MET: variants seen among roughly 807,000 people sequenced by gnomAD.
The protein encoded by MET is MET proto-oncogene, receptor tyrosine kinase.
Under a neutral mutation model 133.1 loss-of-function variants are expected in MET, and 48 were observed. The observed-to-expected ratio is 0.36, with a 90% CI of 0.29 to 0.46. MET has a LOEUF of 0.46. Ranked by LOEUF, MET falls within the 20% of genes least tolerant of loss-of-function variation. The pLI is 1.00. For synonymous variants in MET, 628 were observed against 616.5 expected (o/e 1.02, Z -0.28); for missense variants, 1,442 against 1,695.9 (o/e 0.85, Z 2.63).
chr7:116,722,891 CTT>C (rs1792556628), intron 2 of MET, among the ~76,000 whole-genome samples: 1 of 148,870 alleles, frequency 6.7e-6, no homozygotes, highest in Admixed American at 6.7e-5. Flanking sequence ...GTAACCCGAC[CTT>C]TCTCTCTGGC....
chr7:116,758,118 T>C (rs186469831), intron 8 of MET, among the ~76,000 whole-genome samples: 70 of 152,310 alleles, frequency 4.6e-4, no homozygotes, highest in South Asian at 8.3e-4. Flanking sequence ...GTAATTAGAC[T>C]AAGTCACTCT....
rs1358471387 is a variant in MET, at chr7:116,798,336, AGTT to A, written c.*2216_*2218del. 5.2e-6 allele frequency: 1 copy of A among 193,402 alleles called. No homozygotes were observed. Among genetic ancestry groups the A allele is most frequent in the African/African-American group, 2.3e-5 (1 of 43,128 alleles). 12.0% of individuals were successfully genotyped at this position (193,402 alleles called of 1,614,324 possible). On this transcript the variant is annotated 3_prime_UTR_variant, in exon 21 of 21. Transcript: ENST00000397752. Reference sequence around the variant, plus strand: ...ACTGAATGGTACTTCGTATGTTAATAGTTGTTCTGATAAATCATGCAATTAAAG... The same window carrying A: ...ACTGAATGGTACTTCGTATGTTAATAGTTCTGATAAATCATGCAATTAAAG...
chr7:116,776,486 A>G (rs1053339183), intron 15 of MET, among the ~76,000 whole-genome samples: 1 of 152,192 alleles, frequency 6.6e-6, no homozygotes, highest in African/African-American at 2.4e-5. Context: ...TAAAATGGCA[A>G]TTATTTCTCT....
At position 116,769,623 on chromosome 7, in the gene MET, T is replaced by A. The variant is rs750520213; in HGVS notation, c.2584-22T>A. On this transcript the variant is annotated intron_variant, in intron 11 of 20. Coordinates refer to ENST00000397752, the MANE Select transcript of MET (RefSeq NM_000245.4). Reference sequence around the variant, plus strand: ...CAGAACTGTGAAGTGTTAACAACCTTTTTTTTTTTTTTTCCTTTCAGGGAA... The same window carrying A: ...CAGAACTGTGAAGTGTTAACAACCTATTTTTTTTTTTTTCCTTTCAGGGAA... 4.8e-4 allele frequency: 226 copies of A among 474,974 alleles called. No homozygotes were observed. Among genetic ancestry groups the A allele is most frequent in the Middle Eastern group, 3.5e-3 (6 of 1,726 alleles). The allele number at this position is 474,974 out of a possible 1,614,324, so 29.4% of individuals were successfully genotyped here.
chr7:116,689,483 GT>G (rs1796695266), intron 1 of MET, among the ~76,000 whole-genome samples: 1 of 146,282 alleles, frequency 6.8e-6, no homozygotes, highest in South Asian at 2.2e-4. Flanking sequence ...ATTATCCACT[GT>G]TTATCTGAAA....
At chr7:116,720,057 T>C (rs959831909) in intron 2 of MET, among the ~76,000 whole-genome samples, 3 of 152,260 alleles carry the variant, frequency 2.0e-5, no homozygotes, top group African/African-American at 4.8e-5. Context: ...GGGGATGGCA[T>C]TGAATCTATA....
chr7:116,765,347 A>G (rs1562926979), intron 11 of MET, among the ~76,000 whole-genome samples: 2 of 151,468 alleles, frequency 1.3e-5, no homozygotes. Flanking sequence ...GGAGAGAATC[A>G]TGTGTTTAGA....
At chr7:116,709,541 T>A (rs928156361) in intron 2 of MET, among the ~76,000 whole-genome samples, 1 of 152,146 alleles carries the variant, frequency 6.6e-6, no homozygotes, top group Non-Finnish European at 1.5e-5. Flanking sequence ...TTCACCTTTC[T>A]TTGTGTTCAT....
intron 14 of MET, among the ~76,000 whole-genome samples, chr7:116,774,387 G>T (rs1417328102): frequency 1.3e-5 from 2 of 152,146 alleles, no homozygotes; most frequent in African/African-American, 4.8e-5. Flanking sequence ...TTCAGTTTTG[G>T]GAATATAGCC....
intron 2 of MET, among the ~76,000 whole-genome samples, chr7:116,721,642 C>A (rs1362840337): frequency 1.1e-4 from 16 of 152,064 alleles, no homozygotes; most frequent in Middle Eastern, 3.4e-3. Flanking sequence ...ATTTCCCTCT[C>A]CACACTGCTT....
rs1410506607 is a variant in MET at position 116,798,041 on chromosome 7, T to A, written c.*1917T>A. 4.5e-6 allele frequency: 1 copy of A among 221,414 alleles called. No individual in the cohort carries two copies. Among genetic ancestry groups the A allele is most frequent in the Non-Finnish European group, 9.1e-6 (1 of 110,430 alleles). 13.7% of individuals were successfully genotyped at this position (221,414 alleles called of 1,614,324 possible). A position where few individuals can be genotyped will look rare whatever the true frequency, so the allele number is the denominator to read the frequency against. On this transcript the variant is annotated 3_prime_UTR_variant, in exon 21 of 21. Coordinates refer to ENST00000397752, the MANE Select transcript of MET (RefSeq NM_000245.4). ...ATACTAATTCACAGAGTATTGTAAATGGTGGATGACAAAAGAAAATCTGCT... is the reference window on the plus strand; with the variant it reads ...ATACTAATTCACAGAGTATTGTAAAAGGTGGATGACAAAAGAAAATCTGCT...
At chr7:116,755,040 G>GAAAGAAAGA (rs918744668) in intron 5 of MET, among the ~76,000 whole-genome samples, 1 of 39,370 alleles carries the variant, frequency 2.5e-5, no homozygotes, top group African/African-American at 8.4e-5. Context: ...AAGAAAGAAA[G>GAAAGAAAGA]AAAAGAAAGA....
intron 17 of MET, among the ~76,000 whole-genome samples, chr7:116,779,957 T>C (rs918476124): frequency 1.3e-5 from 2 of 152,236 alleles, no homozygotes; most frequent in Admixed American, 1.3e-4. Context: ...TATATAGATG[T>C]ATATGTATGC....
At chr7:116,690,496 A>T (rs1796742634) in intron 1 of MET, among the ~76,000 whole-genome samples, 1 of 152,220 alleles carries the variant, frequency 6.6e-6, no homozygotes, top group African/African-American at 2.4e-5. Flanking sequence ...AATTCTGAAG[A>T]TTCCTCCTGT....
chr7:116,705,170 A>G (rs1791739508), intron 2 of MET, among the ~76,000 whole-genome samples: 2 of 152,142 alleles, frequency 1.3e-5, no homozygotes, highest in African/African-American at 4.8e-5. Flanking sequence ...GATTATAAAG[A>G]TGATAGATGA....
chr7:116,785,114 G>T (rs147811552), intron 19 of MET, among the ~76,000 whole-genome samples: 3 of 152,224 alleles, frequency 2.0e-5, no homozygotes, highest in Admixed American at 6.5e-5. Flanking sequence ...TCCAGGGCAC[G>T]CTGATGCAAG....
At chr7:116,672,642 G>A (rs2116418276) in intron 1 of MET, 65 bp downstream of exon 1, 1 of 374,256 alleles carries the variant, frequency 2.7e-6, no homozygotes. Context: ...TGCTTTCTTT[G>A]TTCCCCTAAG....
rs1247000152 is a variant in MET at position 116,796,405 on chromosome 7, A to C, written c.*281A>C. The stretch of plus-strand genomic sequence containing the variant: ...TGAATTCTGGGTTGAATTTTTTAAA[A>C]ATCAGGTACCACTTGATTTCATATG... On this transcript the variant is annotated 3_prime_UTR_variant, in exon 21 of 21. Transcript: ENST00000397752. 2.0e-6 allele frequency: 1 copy of C among 495,094 alleles called. No individual in the cohort carries two copies. Among genetic ancestry groups the C allele is most frequent in the Non-Finnish European group, 3.7e-6 (1 of 272,454 alleles). 30.7% of individuals were successfully genotyped at this position (495,094 alleles called of 1,614,324 possible). A position where few individuals can be genotyped will look rare whatever the true frequency, so the allele number is the denominator to read the frequency against.
intron 2 of MET, among the ~76,000 whole-genome samples, chr7:116,701,362 T>C (rs1024240925): frequency 1.3e-5 from 2 of 152,206 alleles, no homozygotes; most frequent in Non-Finnish European, 2.9e-5. Context: ...TGCAATCAGG[T>C]AGAACATTAA....
Sources: allele counts gnomAD v4.1 joint callset (sites outside exome capture counted in the v4.1 genomes callset), GRCh38; gene constraint gnomAD v4.1.1; transcripts MANE v1.5; gene names NCBI Gene and HGNC (gene_info 2026-07-23, HGNC 2026-07-21).